Variants in DGKB observed in about 807,000 individuals in gnomAD.
DGKB encodes the protein diacylglycerol kinase beta.
DGKB carries 67 observed loss-of-function variants against 114.3 expected under a neutral mutation model. That is an observed-to-expected ratio of 0.59 (90% CI 0.48 to 0.72). The LOEUF (loss-of-function observed/expected upper bound fraction) is 0.72. Among genes scored for constraint, DGKB ranks in the 30% least tolerant of loss-of-function variants. The probability of loss-of-function intolerance (pLI) is 0.00; values close to 1 mark genes in which losing one functional copy is unlikely to be tolerated. For missense variants in DGKB, 907 were observed against 975.2 expected, an observed-to-expected ratio of 0.93 and a Z score of 0.93; for synonymous variants, 398 against 323.1, an observed-to-expected ratio of 1.23 and a Z score of -2.49.
intron 12 of DGKB, among the ~76,000 whole-genome samples, chr7:14,675,207 C>T (rs534474554): frequency 1.2e-4 from 18 of 152,162 alleles, no homozygotes; most frequent in African/African-American, 4.3e-4. Context: ...AAGCTAAACA[C>T]GTGACTCTGA....
At chr7:14,718,735 A>C in intron 5 of DGKB, 50 bp from the exon 6 acceptor site, 11 of 1,353,784 alleles carry the variant, frequency 8.1e-6, no homozygotes, top group Non-Finnish European at 1.0e-5. Context: ...CAGTGATCTC[A>C]AACAGAAAAC....
intron 21 of DGKB, among the ~76,000 whole-genome samples, chr7:14,419,299 G>T (rs1306445998): frequency 6.6e-6 from 1 of 151,834 alleles, no homozygotes; most frequent in Non-Finnish European, 1.5e-5. Context: ...ATTTAGAGTA[G>T]AAACTATAAA....
chr7:14,613,451 C>G (rs1400385641), intron 15 of DGKB, 38 bp from the exon 16 acceptor site: 1 of 1,101,706 alleles, frequency 9.1e-7, no homozygotes, highest in Non-Finnish European at 1.3e-6. Flanking sequence ...AATTATTAGG[C>G]CCATTATATA....
chr7:14,207,233 C>G lies in DGKB; in HGVS notation c.2123-29082G>C, dbSNP rs567904801. Among the ~76,000 whole-genome samples the G allele has an allele frequency of 2.0e-5, 3 of 152,162 alleles. No homozygotes were observed. The South Asian group carries it at 6.2e-4, about 32-fold the overall frequency. On this transcript the variant is annotated intron_variant, in intron 23 of 25. Coordinates refer to ENST00000402815, the MANE Select transcript of DGKB (RefSeq NM_001350709.2). ...AACATATGATCCGATAGCACCTGATCCCTCAGACTGTAATCTATCAGAGTG... is the reference window on the plus strand; with the variant it reads ...AACATATGATCCGATAGCACCTGATGCCTCAGACTGTAATCTATCAGAGTG...
chr7:14,377,373 A>G (rs981586623), intron 21 of DGKB, among the ~76,000 whole-genome samples: 6 of 152,232 alleles, frequency 3.9e-5, no homozygotes, highest in Non-Finnish European at 8.8e-5. Context: ...GAGAGAAAGA[A>G]AAAAGAAAAT....
chr7:14,768,068 CTATT>C (rs1257274774), intron 2 of DGKB, among the ~76,000 whole-genome samples: 3 of 151,966 alleles, frequency 2.0e-5, no homozygotes, highest in African/African-American at 7.2e-5. Flanking sequence ...AAACCAAAGT[CTATT>C]TATCCTGTGA....
At chr7:14,501,886 G>A (rs551636857) in intron 20 of DGKB, among the ~76,000 whole-genome samples, 2 of 152,016 alleles carry the variant, frequency 1.3e-5, no homozygotes, top group South Asian at 4.1e-4. Context: ...ATCCTGACCC[G>A]ATTTAAATAA....
intron 13 of DGKB, among the ~76,000 whole-genome samples, chr7:14,668,844 G>A (rs1460639341): frequency 6.6e-6 from 1 of 151,952 alleles, no homozygotes; most frequent in Non-Finnish European, 1.5e-5. Flanking sequence ...TGCCCTCTCT[G>A]TACATCACAT....
intron 23 of DGKB, among the ~76,000 whole-genome samples, chr7:14,266,414 C>T (rs563194555): frequency 1.3e-5 from 2 of 152,066 alleles, no homozygotes; most frequent in South Asian, 4.2e-4. Context: ...TTTGCAAGGC[C>T]AAATAAAATA....
chr7:14,374,774 C>T (rs1818220702), intron 21 of DGKB, among the ~76,000 whole-genome samples: 1 of 152,152 alleles, frequency 6.6e-6, no homozygotes, highest in African/African-American at 2.4e-5. Flanking sequence ...TTATAAGGCA[C>T]TGTCCTGTGC....
At chr7:14,224,158 A>G (rs1026966745) in intron 23 of DGKB, among the ~76,000 whole-genome samples, 4 of 151,740 alleles carry the variant, frequency 2.6e-5, no homozygotes, top group Admixed American at 2.0e-4. Flanking sequence ...CTAGTACTCC[A>G]TCTTGCAATA....
chr7:14,517,330 G>A (rs1788979914), intron 20 of DGKB, among the ~76,000 whole-genome samples: 1 of 151,818 alleles, frequency 6.6e-6, no homozygotes, highest in Non-Finnish European at 1.5e-5. Flanking sequence ...AGACTTAAAT[G>A]CAAAACCTAA....
intron 21 of DGKB, among the ~76,000 whole-genome samples, chr7:14,361,599 G>A (rs1815754114): frequency 6.6e-6 from 1 of 151,828 alleles, no homozygotes; most frequent in Non-Finnish European, 1.5e-5. Flanking sequence ...TGTCATTTGG[G>A]GATTAATCAT....
Position 14,344,304 on chromosome 7 carries a change from T to C in DGKB, c.1926+997A>G, listed in dbSNP as rs1205000609. On this transcript the variant is annotated intron_variant, in intron 22 of 25. Transcript: ENST00000402815. ...ATTATATTTACCAATCATGATGAGA[T>C]AAAAGTGCTAAAAGGTTACACTGAG... Among the ~76,000 whole-genome samples the C allele has an allele frequency of 2.0e-5, 3 of 151,478 alleles. No individual in the cohort carries two copies. In the Admixed American group the frequency reaches 2.0e-4, roughly 10 times the overall value.
At chr7:14,796,687 T>TAAAAA (rs59325137) in intron 2 of DGKB, among the ~76,000 whole-genome samples, 2 of 140,954 alleles carry the variant, frequency 1.4e-5, no homozygotes, top group Non-Finnish European at 1.6e-5. Flanking sequence ...TTCTAGAAAG[T>TAAAAA]AAAAAAAAAA....
chr7:14,235,439 C>A (rs976868582), intron 23 of DGKB, among the ~76,000 whole-genome samples: 1 of 151,920 alleles, frequency 6.6e-6, no homozygotes, highest in African/African-American at 2.4e-5. Flanking sequence ...TTCTGTACAA[C>A]AGAGAAGGGC....
chr7:14,273,064 G>T (rs1005109648), intron 23 of DGKB, among the ~76,000 whole-genome samples: 4 of 152,174 alleles, frequency 2.6e-5, no homozygotes, highest in African/African-American at 9.7e-5. Flanking sequence ...TCACAGTGGG[G>T]TCTAGCATGG....
intron 20 of DGKB, among the ~76,000 whole-genome samples, chr7:14,528,266 GT>G (rs925192347): frequency 2.6e-5 from 4 of 152,072 alleles, no homozygotes; most frequent in Admixed American, 2.6e-4. Flanking sequence ...CTCTCATGGA[GT>G]TTTTGCCCTG....
intron 23 of DGKB, among the ~76,000 whole-genome samples, chr7:14,273,190 C>CA (rs575735588): frequency 5.9e-4 from 90 of 151,838 alleles, no homozygotes; most frequent in African/African-American, 1.9e-3. Flanking sequence ...ACAAAAAATA[C>CA]AAAAAATTAG....
Sources: gnomAD v4.1 joint callset for allele counts (sites outside exome capture counted in the v4.1 genomes callset) on GRCh38, gnomAD v4.1.1 for gene constraint, MANE v1.5 for transcripts, NCBI Gene and HGNC (gene_info 2026-07-23, HGNC 2026-07-21) for gene names.